The following PPA2 variants were observed in gnomAD, a reference collection of about 807,000 sequenced individuals.
PPA2 encodes inorganic pyrophosphatase 2.
In PPA2, 48 loss-of-function variants were observed where a neutral mutation model predicts 49.5. The observed-to-expected ratio is 0.97, with a 90% confidence interval of 0.77 to 1.23. PPA2 has a LOEUF of 1.23. Among genes scored for constraint, PPA2 ranks in the 50% most tolerant of loss-of-function variants. The pLI is 0.00. For synonymous variants in PPA2, 131 were observed against 139.9 expected (o/e 0.94, Z 0.45); for missense variants, 429 against 410.1 (o/e 1.05, Z -0.40).
rs561239914 is a variant in PPA2, at chr4:105,418,960, A to G, written c.655+5236T>C. 6.6e-5 allele frequency among the ~76,000 whole-genome samples: 10 copies of G among 152,316 alleles called. No homozygotes were observed. The South Asian group carries it at 2.1e-3, about 32-fold the overall frequency. On this transcript the variant is annotated intron_variant, in intron 7 of 11. Transcript: ENST00000341695. ...CCCTAGCATTTCAATCTTCTTAAAA[A>G]GCTCTAAACTTGGTTATTTCATAAC...
intron 7 of PPA2, 90 bp downstream of exon 7, chr4:105,424,106 T>C (rs1723378553): frequency 7.4e-7 from 1 of 1,345,286 alleles, no homozygotes; most frequent in Non-Finnish European, 1.0e-6. Flanking sequence ...AAAAAGTACA[T>C]TTAACTCCCC....
At chr4:105,470,267 G>A (rs1250928869) in intron 1 of PPA2, among the ~76,000 whole-genome samples, 1 of 152,224 alleles carries the variant, frequency 6.6e-6, no homozygotes, top group Non-Finnish European at 1.5e-5. Flanking sequence ...ATATAAGTGA[G>A]TCTAACTTCA....
intron 5 of PPA2, among the ~76,000 whole-genome samples, chr4:105,445,457 C>A (rs1394738075): frequency 6.6e-6 from 1 of 151,730 alleles, no homozygotes; most frequent in Non-Finnish European, 1.5e-5. Flanking sequence ...CTAACTGAAT[C>A]AGAGACAGCC....
chr4:105,386,178 G>A (rs970549102), intron 10 of PPA2, among the ~76,000 whole-genome samples: 3 of 152,042 alleles, frequency 2.0e-5, no homozygotes, highest in Non-Finnish European at 2.9e-5. Context: ...CCCATGCTGG[G>A]CCAATTTTAT....
At chr4:105,473,700 C>A in intron 1 of PPA2, 194 bp downstream of exon 1, 2 of 899,764 alleles carry the variant, frequency 2.2e-6, no homozygotes, top group Non-Finnish European at 3.7e-6. Context: ...TGATCCGCCG[C>A]CTCCTCGCTG....
intron 5 of PPA2, among the ~76,000 whole-genome samples, chr4:105,440,267 T>C (rs1272541898): frequency 2.0e-5 from 3 of 151,394 alleles, no homozygotes; most frequent in Non-Finnish European, 4.4e-5. Flanking sequence ...CTTTTTTTCT[T>C]TCTTTTTTTT....
chr4:105,370,878 A>G lies in PPA2; in HGVS notation c.940-5T>C. 4 of 1,472,178 alleles carry G rather than the reference A, an allele frequency of 2.7e-6. No homozygotes were observed. The highest frequency in any genetic ancestry group is 3.6e-6 in the Non-Finnish European group (4 of 1,096,926). The allele number at this position is 1,472,178 out of a possible 1,614,324, so 91.2% of individuals were successfully genotyped here. A position where few individuals can be genotyped will look rare whatever the true frequency, so the allele number is the denominator to read the frequency against. On this transcript the variant is annotated splice_polypyrimidine_tract_variant and splice_region_variant and intron_variant, in intron 10 of 11. Coordinates refer to ENST00000341695, the MANE Select transcript of PPA2 (RefSeq NM_176869.3). ...TTTATTTGGTGAAGATGATACCTGGAAATAAAAACAGAGAAAGAATCTCTG... is the reference window on the plus strand; with the variant it reads ...TTTATTTGGTGAAGATGATACCTGGGAATAAAAACAGAGAAAGAATCTCTG...
At chr4:105,422,593 A>ATATATTGCTCAT (rs72016056) in intron 7 of PPA2, among the ~76,000 whole-genome samples, 51,578 of 151,998 alleles carry the variant, frequency 0.34, 10,469 homozygotes, top group East Asian at 0.67. Flanking sequence ...TTGGTATAAT[A>ATATATTGCTCAT]TTATAGATGG....
intron 1 of PPA2, among the ~76,000 whole-genome samples, chr4:105,459,863 T>A (rs2110322018): frequency 6.6e-6 from 1 of 152,334 alleles, no homozygotes; most frequent in Non-Finnish European, 1.5e-5. Flanking sequence ...AACTATAGGA[T>A]AAAGTGCAGT....
intron 1 of PPA2, among the ~76,000 whole-genome samples, chr4:105,460,774 AC>A (rs1723054849): frequency 6.6e-6 from 1 of 151,724 alleles, no homozygotes; most frequent in South Asian, 2.1e-4. Flanking sequence ...AATCTAGGAC[AC>A]TGATTTGGTG....
At chr4:105,411,426 C>T (rs1439892687) in intron 7 of PPA2, among the ~76,000 whole-genome samples, 1 of 151,964 alleles carries the variant, frequency 6.6e-6, no homozygotes, top group Non-Finnish European at 1.5e-5. Context: ...ACTTAGAGAC[C>T]TACAAAGAGG....
intron 2 of PPA2, chr4:105,453,856 A>G (rs1722767620): frequency 2.5e-6 from 1 of 393,420 alleles, no homozygotes; most frequent in African/African-American, 2.1e-5. Context: ...AAAATAAATG[A>G]TCAGAAAAGC....
At chr4:105,430,512 AT>A (rs2110279849) in intron 6 of PPA2, among the ~76,000 whole-genome samples, 1 of 152,346 alleles carries the variant, frequency 6.6e-6, no homozygotes, top group Admixed American at 6.5e-5. Flanking sequence ...GCCGAACAGC[AT>A]ATAAGACCGA....
intron 2 of PPA2, 185 bp downstream of exon 2, chr4:105,456,496 A>G: frequency 1.8e-6 from 1 of 548,902 alleles, no homozygotes; most frequent in Non-Finnish European, 3.3e-6. Flanking sequence ...CCAATTCCTC[A>G]TGGAAGAATC....
chr4:105,378,833 T>C (rs953363725), intron 10 of PPA2, among the ~76,000 whole-genome samples: 1 of 152,146 alleles, frequency 6.6e-6, no homozygotes, highest in African/African-American at 2.4e-5. Context: ...TGTCCAAATA[T>C]ATGTAGGTCT....
At chr4:105,437,182 T>A (rs1353786601) in intron 6 of PPA2, among the ~76,000 whole-genome samples, 4 of 152,062 alleles carry the variant, frequency 2.6e-5, no homozygotes, top group Non-Finnish European at 4.4e-5. Context: ...AAGAAACACA[T>A]GAAAAATGCT....
At chr4:105,464,788 G>A (rs1723235144) in intron 1 of PPA2, among the ~76,000 whole-genome samples, 2 of 152,290 alleles carry the variant, frequency 1.3e-5, no homozygotes, top group South Asian at 4.1e-4. Flanking sequence ...GGCCTCCCCA[G>A]CCATGTGGAA....
At chr4:105,432,319 GATA>G (rs1438615963) in intron 6 of PPA2, among the ~76,000 whole-genome samples, 1 of 152,054 alleles carries the variant, frequency 6.6e-6, no homozygotes, top group Admixed American at 6.6e-5. Context: ...AAATTGATCA[GATA>G]ATTTCTTAAA....
At chr4:105,414,777 T>C (rs1722929485) in intron 7 of PPA2, among the ~76,000 whole-genome samples, 1 of 152,130 alleles carries the variant, frequency 6.6e-6, no homozygotes, top group African/African-American at 2.4e-5. Flanking sequence ...TTAGGGTTCT[T>C]TCAGTTTCGC....
Sources: gnomAD v4.1 joint callset for allele counts (sites outside exome capture counted in the v4.1 genomes callset) on GRCh38, gnomAD v4.1.1 for gene constraint, MANE v1.5 for transcripts, NCBI Gene and HGNC (gene_info 2026-07-23, HGNC 2026-07-21) for gene names.